Variants in POU2F2 observed in about 807,000 individuals in gnomAD.
POU2F2 encodes POU domain, class 2, transcription factor 2.
A neutral mutation model predicts 63.5 loss-of-function variants in POU2F2; 14 were observed. The ratio of observed to expected loss-of-function variants is 0.22; its 90% CI spans 0.15 to 0.34. The LOEUF (loss-of-function observed/expected upper bound fraction) is 0.34. Ranked by LOEUF, POU2F2 falls within the 10% of genes least tolerant of loss-of-function variation. The pLI is 1.00. For synonymous variants in POU2F2, 306 were observed against 348.6 expected (o/e 0.88, Z 1.36); for missense variants, 607 against 815.2 (o/e 0.74, Z 3.11).
chr19:42,188,526 C>G (rs1431614337), intron 1 of POU2F2, among the ~76,000 whole-genome samples: 1 of 151,522 alleles, frequency 6.6e-6, no homozygotes, highest in Non-Finnish European at 1.5e-5. Context: ...CAAAAATTAG[C>G]CGGGCGTGGT....
chr19:42,086,261 C>G lies in POU2F2; in HGVS notation c.*4996G>C, dbSNP rs556758204. The G allele has an allele frequency of 6.6e-6, 1 of 152,002 alleles. No homozygotes were observed. The highest frequency in any genetic ancestry group is 1.5e-5 in the Non-Finnish European group (1 of 68,026). 9.4% of individuals were successfully genotyped at this position (152,002 alleles called of 1,614,324 possible). A position where few individuals can be genotyped will look rare whatever the true frequency, so the allele number is the denominator to read the frequency against. ...AGTTAAGAACACTGAAACACTAACC[C>G]GCTACCACGAGAAGAGACGGAGGGG... On this transcript the variant is annotated 3_prime_UTR_variant, in exon 15 of 15. Coordinates refer to ENST00000692977, the MANE Select transcript of POU2F2 (RefSeq NM_001394376.1).
At chr19:42,158,277 T>C (rs144854626) in intron 2 of POU2F2, among the ~76,000 whole-genome samples, 1 of 152,326 alleles carries the variant, frequency 6.6e-6, no homozygotes, top group Non-Finnish European at 1.5e-5. Context: ...CCCAGTATTA[T>C]CATTGCTAAA....
intron 5 of POU2F2, among the ~76,000 whole-genome samples, chr19:42,112,608 G>A (rs569623406): frequency 6.6e-6 from 1 of 152,114 alleles, no homozygotes; most frequent in East Asian, 1.9e-4. Flanking sequence ...GACCTCAAGC[G>A]ATCCGCCCAC....
upstream of POU2F2, among the ~76,000 whole-genome samples, chr19:42,135,590 C>G (rs2033990500): frequency 6.6e-6 from 1 of 152,152 alleles, no homozygotes; most frequent in African/African-American, 2.4e-5. Context: ...AGCTCTGGCC[C>G]ACCCGAGACA....
chr19:42,166,402 C>T (rs1417017832), intron 1 of POU2F2, among the ~76,000 whole-genome samples: 1 of 152,132 alleles, frequency 6.6e-6, no homozygotes, highest in South Asian at 2.1e-4. Flanking sequence ...CTGGCAGGTA[C>T]TCAATAAATA....
chr19:42,182,410 A>C (rs1043826216), intron 1 of POU2F2, among the ~76,000 whole-genome samples: 2 of 151,962 alleles, frequency 1.3e-5, no homozygotes, highest in Admixed American at 1.3e-4. Flanking sequence ...GAAAAGAGGA[A>C]GCTAGGAGGA....
chr19:42,140,647 G>A (rs1180122106), intron 2 of POU2F2, among the ~76,000 whole-genome samples: 6 of 152,144 alleles, frequency 3.9e-5, no homozygotes, highest in Non-Finnish European at 8.8e-5. Flanking sequence ...TCCATTCCCA[G>A]TTTTATTTCC....
rs906260414 is a variant in POU2F2, at chr19:42,162,340, C to T, written c.-69-1948G>A. ...GGATCCCTCTCCCAAGCAGACAACACCTCCAAGTAGAGAGACAGTCCATGG... is the reference window on the plus strand; with the variant it reads ...GGATCCCTCTCCCAAGCAGACAACATCTCCAAGTAGAGAGACAGTCCATGG... On this transcript the variant is annotated intron_variant, in intron 1 of 6. Transcript: ENST00000524801. This position sits in a 1 kb window ranked among gnomAD's most constrained non-coding sequence, Gnocchi z 4.1. 3.3e-5 allele frequency among the ~76,000 whole-genome samples: 5 copies of T among 152,120 alleles called. No homozygotes were observed. Among genetic ancestry groups the T allele is most frequent in the African/African-American group, 7.2e-5 (3 of 41,436 alleles).
intron 1 of POU2F2, among the ~76,000 whole-genome samples, chr19:42,166,402 C>G (rs1417017832): frequency 6.6e-6 from 1 of 152,132 alleles, no homozygotes; most frequent in African/African-American, 2.4e-5. Flanking sequence ...CTGGCAGGTA[C>G]TCAATAAATA....
chr19:42,109,935 A>G (rs532007044), intron 5 of POU2F2, among the ~76,000 whole-genome samples: 1 of 152,356 alleles, frequency 6.6e-6, no homozygotes, highest in South Asian at 2.1e-4. Context: ...CCATAAATAT[A>G]TACAATGATT....
intron 4 of POU2F2, among the ~76,000 whole-genome samples, chr19:42,121,389 C>G (rs535440318): frequency 1.8e-4 from 28 of 152,254 alleles, no homozygotes; most frequent in Middle Eastern, 3.4e-3. Flanking sequence ...CCCCCTCCCC[C>G]CTGACCAATG....
rs2030295529 is a variant in POU2F2, at chr19:42,107,454, T to C, written c.370-7633A>G. On this transcript the variant is annotated intron_variant, in intron 5 of 14. Coordinates refer to ENST00000692977, the MANE Select transcript of POU2F2 (RefSeq NM_001394376.1). ...TGGGTTTCTTTATTAGCACACTAAG[T>C]AACAAGATCCAGCAATAGATCTGAT... Among the ~76,000 whole-genome samples the C allele has an allele frequency of 2.0e-5, 3 of 152,234 alleles. No homozygotes were observed. The South Asian group carries it at 6.2e-4, about 32-fold the overall frequency.
At chr19:42,171,274 G>C (rs2034759832) in intron 1 of POU2F2, among the ~76,000 whole-genome samples, 1 of 152,150 alleles carries the variant, frequency 6.6e-6, no homozygotes, top group Admixed American at 6.5e-5. Flanking sequence ...GATGGCTATA[G>C]CTGTGCTTTA....
intron 5 of POU2F2, among the ~76,000 whole-genome samples, chr19:42,116,127 A>C (rs2031825284): frequency 6.6e-6 from 1 of 152,188 alleles, no homozygotes; most frequent in South Asian, 2.1e-4. Flanking sequence ...GCCTTAAGCC[A>C]CCCAGTTTAT....
At chr19:42,185,095 C>G (rs1008641666) in intron 1 of POU2F2, among the ~76,000 whole-genome samples, 2 of 152,060 alleles carry the variant, frequency 1.3e-5, no homozygotes, top group African/African-American at 4.8e-5. Flanking sequence ...GATTGAAATC[C>G]CATCCAGTTC....
At chr19:42,190,167 T>TG (rs1296761278) in intron 1 of POU2F2, among the ~76,000 whole-genome samples, 2 of 152,056 alleles carry the variant, frequency 1.3e-5, no homozygotes, top group East Asian at 1.9e-4. Flanking sequence ...GGAGTCATGC[T>TG]GGGATGAGCA....
intron 5 of POU2F2, 138 bp from the exon 6 acceptor site, chr19:42,099,959 G>A (rs565310984): frequency 7.6e-5 from 52 of 680,680 alleles, no homozygotes; most frequent in South Asian, 5.9e-4. Context: ...GTGAGGGATC[G>A]TCCACTCGGT....
At chr19:42,142,553 TTTTTTA>T (rs1568411643) in intron 2 of POU2F2, among the ~76,000 whole-genome samples, 2 of 148,134 alleles carry the variant, frequency 1.4e-5, no homozygotes, top group African/African-American at 5.0e-5. Flanking sequence ...GTTTGGGGGG[TTTTTTA>T]TTTGTTTTTG....
chr19:42,147,686 T>G (rs970345332), intron 2 of POU2F2, among the ~76,000 whole-genome samples: 4 of 152,212 alleles, frequency 2.6e-5, no homozygotes, highest in African/African-American at 9.6e-5. Context: ...TTTCCACTTC[T>G]GTAAAATCAA....
Sources: gnomAD v4.1 joint callset for allele counts (sites outside exome capture counted in the v4.1 genomes callset) on GRCh38, gnomAD v4.1.1 for gene constraint, Gnocchi (gnomAD v3.1) non-coding constraint, MANE v1.5 for transcripts, NCBI Gene and HGNC (gene_info 2026-07-23, HGNC 2026-07-21) for gene names.